The following MEIOSIN variants were observed in gnomAD, a reference collection of about 807,000 sequenced individuals.
MEIOSIN encodes the protein meiosis initiator, also known as meiosis initiator protein.
MEIOSIN carries 18 observed loss-of-function variants against 23.4 expected under a neutral mutation model. The ratio of observed to expected loss-of-function variants is 0.77; its 90% CI spans 0.53 to 1.14. The LOEUF (loss-of-function observed/expected upper bound fraction) is 1.14. Ranked by LOEUF, MEIOSIN falls within the 50% of genes most tolerant of loss-of-function variation. The pLI is 0.00. For synonymous variants in MEIOSIN, 187 were observed against 100.6 expected, an observed-to-expected ratio of 1.86 and a Z score of -5.14; for missense variants, 428 against 242.9, an observed-to-expected ratio of 1.76 and a Z score of -5.07.
Position 45,761,795 on chromosome 19 carries a change from C to CTCCAGA in MEIOSIN, c.1367_1368insATCCAG (p.Ser455_Ser456insArgSer), listed in dbSNP as rs2146200962. On this transcript the variant is annotated inframe_insertion, in exon 12 of 15. Coordinates refer to ENST00000457052, the MANE Select transcript of MEIOSIN (RefSeq NM_001310124.2). Reference sequence around the variant, plus strand: ...GCGGGAACAGCAAGGCGCCATCCAGCTCCAGCTCCAGCTCCAGCTCCAGCT... The same window carrying CTCCAGA: ...GCGGGAACAGCAAGGCGCCATCCAGCTCCAGATCCAGCTCCAGCTCCAGCTCCAGCT... 1 of 687,078 alleles carries CTCCAGA rather than the reference C, an allele frequency of 1.5e-6. No homozygotes were observed. Among genetic ancestry groups the CTCCAGA allele is most frequent in the Non-Finnish European group, 2.7e-6 (1 of 375,404 alleles). The allele number at this position is 687,078 out of a possible 1,614,324, so 42.6% of individuals were successfully genotyped here.
chr19:45,743,853 C>T (rs1025013170), intron 3 of MEIOSIN, among the ~76,000 whole-genome samples: 6 of 151,804 alleles, frequency 4.0e-5, no homozygotes, highest in African/African-American at 7.3e-5. Context: ...GGCGAGGTCT[C>T]ACTTTTTTGC....
intron 9 of MEIOSIN, among the ~76,000 whole-genome samples, chr19:45,758,373 T>C (rs1036220438): frequency 4.3e-5 from 6 of 139,644 alleles, no homozygotes; most frequent in Non-Finnish European, 7.9e-5. Flanking sequence ...TTGATTTTTC[T>C]TTTTTTTTGG....
Position 45,762,239 on chromosome 19 carries a change from G to A in MEIOSIN, c.1679+56G>A, listed in dbSNP as rs1016879942. On this transcript the variant is annotated intron_variant, in intron 13 of 14. Coordinates refer to ENST00000457052, the MANE Select transcript of MEIOSIN (RefSeq NM_001310124.2). ...AAGGCCCTGGCTTCGTTCTCTGCCC[G>A]CAGCCTGGCCATGCCGCTCCTCACA... The A allele has an allele frequency of 1.7e-5, 7 of 404,212 alleles. No individual in the cohort carries two copies. The South Asian group carries it at 4.9e-4, about 28-fold the overall frequency. 25.0% of individuals were successfully genotyped at this position (404,212 alleles called of 1,614,324 possible). A position where few individuals can be genotyped will look rare whatever the true frequency, so the allele number is the denominator to read the frequency against.
chr19:45,745,100 C>T (rs1396993182), intron 3 of MEIOSIN, 92 bp from the exon 4 acceptor site: 2 of 684,714 alleles, frequency 2.9e-6, no homozygotes, highest in African/African-American at 1.8e-5. Context: ...GCGGGCAGCC[C>T]TAAAATGAGT....
intron 1 of MEIOSIN, among the ~76,000 whole-genome samples, chr19:45,734,651 G>T (rs575295499): frequency 4.5e-4 from 68 of 151,406 alleles, no homozygotes; most frequent in Middle Eastern, 6.8e-3. Flanking sequence ...CTACAAGCAT[G>T]TGCCACTATG....
At position 45,750,686 on chromosome 19, in the gene MEIOSIN, GGT is replaced by G; in HGVS notation, c.320_321del (p.Val107AlafsTer97). The G allele has an allele frequency of 1.7e-6, 1 of 586,464 alleles. No individual in the cohort carries two copies. Among genetic ancestry groups the G allele is most frequent in the Non-Finnish European group, 3.0e-6 (1 of 332,022 alleles). 36.3% of individuals were successfully genotyped at this position (586,464 alleles called of 1,614,324 possible). Reference sequence around the variant, plus strand: ...TTCTTTTGAGGCAGAAGGAGATTCTGGTGCATGTCCTGCAGTACATTCAGTAC... The same window carrying G: ...TTCTTTTGAGGCAGAAGGAGATTCTGGCATGTCCTGCAGTACATTCAGTAC... ...TKKLTKKEIL[V>X]HVLQYIQYLQ... On this transcript the variant is annotated frameshift_variant, in exon 5 of 15. Coordinates refer to ENST00000457052, the MANE Select transcript of MEIOSIN (RefSeq NM_001310124.2). LOFTEE classifies it high-confidence loss of function.
chr19:45,749,416 C>T (rs1013169412), intron 4 of MEIOSIN, among the ~76,000 whole-genome samples: 1 of 150,588 alleles, frequency 6.6e-6, no homozygotes, highest in Non-Finnish European at 1.5e-5. Context: ...TGGCTCACGC[C>T]TGTAATCCCA....
intron 4 of MEIOSIN, among the ~76,000 whole-genome samples, chr19:45,748,168 C>G (rs1362944010): frequency 6.6e-6 from 1 of 152,016 alleles, no homozygotes; most frequent in African/African-American, 2.4e-5. Flanking sequence ...AGCTCTGCCT[C>G]CTGGGTTCAC....
intron 13 of MEIOSIN, 73 bp downstream of exon 13, chr19:45,762,256 C>T (rs1462150523): frequency 5.0e-6 from 2 of 403,304 alleles, no homozygotes; most frequent in East Asian, 7.1e-5. Context: ...GGCCATGCCG[C>T]TCCTCACAAC....
At chr19:45,745,028 T>C (rs1968566757) in intron 3 of MEIOSIN, among the ~76,000 whole-genome samples, 164 bp from the exon 4 acceptor site, 1 of 152,040 alleles carries the variant, frequency 6.6e-6, no homozygotes, top group Non-Finnish European at 1.5e-5. Context: ...GATTAAGGGC[T>C]AAGGGAAAGT....
chr19:45,763,664 GTCTCTGCCACACGACTT>G (rs1968994287), intron 14 of MEIOSIN, among the ~76,000 whole-genome samples: 1 of 152,140 alleles, frequency 6.6e-6, no homozygotes, highest in Admixed American at 6.5e-5. Flanking sequence ...TTCTTTTGCT[GTCTCTGCCACACGACTT>G]TCTCGGGGCG....
At chr19:45,746,690 G>A (rs1012952309) in intron 4 of MEIOSIN, among the ~76,000 whole-genome samples, 1 of 151,920 alleles carries the variant, frequency 6.6e-6, no homozygotes, top group Non-Finnish European at 1.5e-5. Context: ...GAGTGGTGGC[G>A]CGTGCCTATA....
intron 11 of MEIOSIN, among the ~76,000 whole-genome samples, chr19:45,760,963 A>AAAGG (rs1192621925): frequency 6.6e-6 from 1 of 151,220 alleles, no homozygotes; most frequent in Non-Finnish European, 1.5e-5. Flanking sequence ...AAAAGAAAAG[A>AAAGG]AAGGAAGAAA....
chr19:45,744,815 T>C (rs1968563500), intron 3 of MEIOSIN, among the ~76,000 whole-genome samples: 1 of 152,060 alleles, frequency 6.6e-6, no homozygotes, highest in Admixed American at 6.6e-5. Context: ...TGGGATGTCA[T>C]GGAGAGGTTT....
chr19:45,750,611 G>A lies in MEIOSIN; in HGVS notation c.307-64G>A, dbSNP rs150592857. On this transcript the variant is annotated intron_variant, in intron 4 of 14. Transcript: ENST00000457052. The stretch of plus-strand genomic sequence containing the variant: ...CCTGACCTCATGATCCGCCCACCTC[G>A]GCTTCTCAAAGTGCTGTGATTACAG... 7.0e-3 allele frequency: 3,073 copies of A among 437,574 alleles called. 86 individuals carry two copies. Among genetic ancestry groups the A allele is most frequent in the African/African-American group, 0.057 (2,773 of 48,710 alleles). 27.1% of individuals were successfully genotyped at this position (437,574 alleles called of 1,614,324 possible). A position where few individuals can be genotyped will look rare whatever the true frequency, so the allele number is the denominator to read the frequency against.
At chr19:45,751,762 C>T (rs1600384543) in intron 5 of MEIOSIN, among the ~76,000 whole-genome samples, 1 of 148,486 alleles carries the variant, frequency 6.7e-6, no homozygotes, top group African/African-American at 2.5e-5. Flanking sequence ...CAGAGTTTAG[C>T]TCTTGTTGCG....
intron 4 of MEIOSIN, among the ~76,000 whole-genome samples, chr19:45,747,677 A>G (rs1274704892): frequency 6.6e-6 from 1 of 152,150 alleles, no homozygotes; most frequent in African/African-American, 2.4e-5. Flanking sequence ...ACTCTCCCAC[A>G]AGGCTTGTGA....
At chr19:45,740,910 T>C (rs16979989) in intron 3 of MEIOSIN, among the ~76,000 whole-genome samples, 5,654 of 152,062 alleles carry the variant, frequency 0.037, 362 homozygotes, top group African/African-American at 0.13. Flanking sequence ...CCCAAGACCT[T>C]TCAGTATTCA....
In MEIOSIN at chr19:45,753,741, A is replaced by AG; in HGVS notation, c.514dup (p.Ala172GlyfsTer33). On this transcript the variant is annotated frameshift_variant, in exon 6 of 15. Coordinates refer to ENST00000457052, the MANE Select transcript of MEIOSIN (RefSeq NM_001310124.2). LOFTEE classifies it high-confidence loss of function. ...CCAAGCTCTCAGAAGTCCTGTCTCC[A>AG]GGGGGCGTGCCAGAAGCCTCGGAAG... 2 of 702,872 alleles carry AG rather than the reference A, an allele frequency of 2.8e-6. No homozygotes were observed. The highest frequency in any genetic ancestry group is 5.2e-6 in the Non-Finnish European group (2 of 384,936). 43.5% of individuals were successfully genotyped at this position (702,872 alleles called of 1,614,324 possible). A position where few individuals can be genotyped will look rare whatever the true frequency, so the allele number is the denominator to read the frequency against.
Sources: allele counts gnomAD v4.1 joint callset (sites outside exome capture counted in the v4.1 genomes callset), GRCh38; gene constraint gnomAD v4.1.1; transcripts MANE v1.5; gene names NCBI Gene and HGNC (gene_info 2026-07-23, HGNC 2026-07-21).